NUP210L: variants seen among roughly 807,000 people sequenced by gnomAD.
NUP210L encodes the protein nucleoporin 210 like.
NUP210L carries 74 observed loss-of-function variants against 208.5 expected under a neutral mutation model. The observed-to-expected ratio is 0.35, with a 90% CI of 0.29 to 0.43. NUP210L has a LOEUF of 0.43. NUP210L is among the 20% of genes least tolerant of loss of function. NUP210L has a pLI of 1.00. For synonymous variants in NUP210L, 780 were observed against 816.9 expected (o/e 0.95, Z 0.77); for missense variants, 1,843 against 2,289.4 (o/e 0.81, Z 3.98).
At chr1:154,120,647 A>AG (rs1294708857) in intron 10 of NUP210L, among the ~76,000 whole-genome samples, 10 of 149,728 alleles carry the variant, frequency 6.7e-5, no homozygotes, top group African/African-American at 2.2e-4. Context: ...AAAAAAAAAA[A>AG]GAAATGCATT....
At chr1:154,099,497 T>TATA (rs1229344053) in intron 14 of NUP210L, among the ~76,000 whole-genome samples, 1 of 152,226 alleles carries the variant, frequency 6.6e-6, no homozygotes, top group Non-Finnish European at 1.5e-5. Flanking sequence ...TCCATTATAA[T>TATA]GAACCAGTCC....
At chr1:154,103,655 G>T (rs2148068375) in intron 13 of NUP210L, among the ~76,000 whole-genome samples, 1 of 126,232 alleles carries the variant, frequency 7.9e-6, no homozygotes, top group East Asian at 2.4e-4. Context: ...CTGGGCGACA[G>T]AGCGAGACTC....
intron 27 of NUP210L, among the ~76,000 whole-genome samples, chr1:154,034,517 T>C (rs1440523126): frequency 6.6e-6 from 1 of 151,868 alleles, no homozygotes; most frequent in Non-Finnish European, 1.5e-5. Context: ...TTCGTAGAGA[T>C]GGGGTTTCTT....
intron 38 of NUP210L, among the ~76,000 whole-genome samples, chr1:153,994,742 G>A (rs1347968321): frequency 1.3e-5 from 2 of 151,660 alleles, no homozygotes; most frequent in African/African-American, 2.4e-5. Context: ...ATCTGGGCGC[G>A]GTGGCTCACG....
chr1:154,032,512 TA>T (rs1379689645), intron 27 of NUP210L, among the ~76,000 whole-genome samples: 2 of 151,762 alleles, frequency 1.3e-5, no homozygotes, highest in East Asian at 3.9e-4. Flanking sequence ...TTTTTTTTGG[TA>T]GGGGTGGAAC....
intron 3 of NUP210L, among the ~76,000 whole-genome samples, chr1:154,142,691 G>A (rs1054460294): frequency 4.6e-5 from 7 of 151,980 alleles, no homozygotes; most frequent in African/African-American, 1.7e-4. Context: ...AGGAGTTCGA[G>A]ACCAGCCTGG....
intron 10 of NUP210L, among the ~76,000 whole-genome samples, chr1:154,122,201 C>T (rs1191763694): frequency 6.9e-6 from 1 of 145,408 alleles, no homozygotes; most frequent in Non-Finnish European, 1.5e-5. Context: ...TGGACAAATT[C>T]CTTCAAAGAT....
chr1:153,995,997 TAA>T, intron 37 of NUP210L: 5 of 340,472 alleles, frequency 1.5e-5, no homozygotes, highest in Non-Finnish European at 2.9e-5. Context: ...TGAGGAGACT[TAA>T]AAAAAAAATG....
intron 6 of NUP210L, among the ~76,000 whole-genome samples, chr1:154,136,711 G>A (rs1658563599): frequency 6.6e-6 from 1 of 151,582 alleles, no homozygotes; most frequent in African/African-American, 2.4e-5. Flanking sequence ...ACGAGGTCAG[G>A]AGTTCGAGAC....
chr1:154,127,473 G>A (rs1053603276), intron 8 of NUP210L, 56 bp from the exon 9 acceptor site: 48 of 797,862 alleles, frequency 6.0e-5, no homozygotes, highest in Non-Finnish European at 8.9e-5. Flanking sequence ...TTTCTACAAC[G>A]AATTTAAAAA....
chr1:154,138,672 G>C (rs1323080416), intron 5 of NUP210L, among the ~76,000 whole-genome samples: 3 of 152,110 alleles, frequency 2.0e-5, no homozygotes, highest in African/African-American at 7.2e-5. Context: ...CTTCTCTCTA[G>C]GAGGTCCACA....
chr1:154,041,988 T>TA (rs1213146281), intron 27 of NUP210L, among the ~76,000 whole-genome samples: 1 of 152,178 alleles, frequency 6.6e-6, no homozygotes, highest in Non-Finnish European at 1.5e-5. Flanking sequence ...AGTCTCATGC[T>TA]AAAAAATGAG....
At chr1:154,047,049 A>G (rs1653222822) in intron 25 of NUP210L, among the ~76,000 whole-genome samples, 2 of 152,120 alleles carry the variant, frequency 1.3e-5, no homozygotes, top group Admixed American at 6.6e-5. Flanking sequence ...CAAGAGCGAA[A>G]CTCCGACTCA....
Position 154,154,833 on chromosome 1 carries a change from A to G in NUP210L, c.203+9T>C. 1.2e-6 allele frequency: 2 copies of G among 1,609,524 alleles called. No individual in the cohort carries two copies. Among genetic ancestry groups the G allele is most frequent in the Non-Finnish European group, 1.7e-6 (2 of 1,176,188 alleles). On this transcript the variant is annotated intron_variant, in intron 1 of 39. Transcript: ENST00000368559. ...AGGGTGCATATCCTTGTCACCCACC[A>G]CCCCTCACCAAGTGTAGCAGCCCCG...
intron 37 of NUP210L, 104 bp from the exon 38 acceptor site, chr1:153,995,284 C>G: frequency 1.3e-6 from 1 of 777,638 alleles, no homozygotes; most frequent in African/African-American, 1.7e-5. Flanking sequence ...TTTACTCTCA[C>G]TCTGTCCCCC....
intron 12 of NUP210L, among the ~76,000 whole-genome samples, chr1:154,107,999 G>C (rs575888422): frequency 2.6e-5 from 4 of 152,270 alleles, no homozygotes; most frequent in African/African-American, 9.6e-5. Context: ...GGTAAAGAGA[G>C]AGATTTAAAC....
intron 25 of NUP210L, among the ~76,000 whole-genome samples, chr1:154,051,330 C>T (rs774288644): frequency 6.2e-4 from 95 of 152,140 alleles, no homozygotes; most frequent in Non-Finnish European, 1.1e-3. Context: ...CTGCCTCAGC[C>T]TCCCAAGTAG....
intron 2 of NUP210L, among the ~76,000 whole-genome samples, chr1:154,146,485 A>G (rs1255442336): frequency 6.6e-6 from 1 of 152,014 alleles, no homozygotes; most frequent in Non-Finnish European, 1.5e-5. Context: ...AAAAGAATCT[A>G]GCCAGGTATG....
intron 7 of NUP210L, among the ~76,000 whole-genome samples, chr1:154,133,420 G>A (rs1364801489): frequency 7.2e-5 from 11 of 151,964 alleles, no homozygotes. Context: ...GCACGGTGGT[G>A]TATGCCTATA....
Sources: allele counts gnomAD v4.1 joint callset (sites outside exome capture counted in the v4.1 genomes callset), GRCh38; gene constraint gnomAD v4.1.1; transcripts MANE v1.5; gene names NCBI Gene and HGNC (gene_info 2026-07-23, HGNC 2026-07-21).